Variants in PRKAR2A observed in about 807,000 individuals in gnomAD.
The protein encoded by PRKAR2A is cAMP-dependent protein kinase type II-alpha regulatory subunit.
In PRKAR2A, 29 loss-of-function variants were observed where a neutral mutation model predicts 51.9. That is an observed-to-expected ratio of 0.56 (90% confidence interval 0.42 to 0.76). The LOEUF is 0.76. PRKAR2A is among the 30% of genes least tolerant of loss of function. PRKAR2A has a pLI of 0.00. For missense variants in PRKAR2A, 445 were observed against 512.1 expected, an observed-to-expected ratio of 0.87 and a Z score of 1.26; for synonymous variants, 178 against 186.2, an observed-to-expected ratio of 0.96 and a Z score of 0.36.
At chr3:48,783,158 AT>A in intron 4 of PRKAR2A, 66 bp from the exon 5 acceptor site, 1 of 1,020,386 alleles carries the variant, frequency 9.8e-7, no homozygotes, top group Admixed American at 1.8e-5. Context: ...AGTGACCATA[AT>A]TATCTCAATT....
intron 9 of PRKAR2A, among the ~76,000 whole-genome samples, chr3:48,755,780 CTTTT>C (rs1160883747): frequency 4.5e-5 from 6 of 133,474 alleles, no homozygotes; most frequent in Admixed American, 7.6e-5. Flanking sequence ...CCCCCATTTC[CTTTT>C]TTTTTTTTTT....
chr3:48,807,765 TA>T lies in PRKAR2A; in HGVS notation c.263-82del. On this transcript the variant is annotated intron_variant, in intron 1 of 10. Coordinates refer to ENST00000265563, the MANE Select transcript of PRKAR2A (RefSeq NM_004157.4). ...ATCCTCCCTTTTTGCAAAAGTCTTT[TA>T]CAATAGACCTAAGCCCCTCAAAACC... The T allele has an allele frequency of 2.5e-6, 3 of 1,201,916 alleles. No individual in the cohort carries two copies. In the Admixed American group the frequency reaches 5.3e-5, roughly 21 times the overall value. The allele number at this position is 1,201,916 out of a possible 1,614,324, so 74.5% of individuals were successfully genotyped here.
intron 1 of PRKAR2A, among the ~76,000 whole-genome samples, chr3:48,809,620 A>C (rs1163198185): frequency 3.3e-5 from 5 of 149,764 alleles, no homozygotes; most frequent in Non-Finnish European, 6.0e-5. Context: ...AAAAAAAAAA[A>C]AAACTATATA....
Position 48,781,737 on chromosome 3 carries a change from T to A in PRKAR2A, c.542+1249A>T, listed in dbSNP as rs149737725. Among the ~76,000 whole-genome samples the A allele has an allele frequency of 1.3e-3, 197 of 151,980 alleles. 1 individual carries two copies. Among genetic ancestry groups the A allele is most frequent in the African/African-American group, 4.6e-3 (189 of 41,460 alleles). The stretch of plus-strand genomic sequence containing the variant: ...TACGTTGGCCAGGCTGGTCTCGAAC[T>A]CCTGACCTCGTGATCTGCCCGCCTC... On this transcript the variant is annotated intron_variant, in intron 5 of 10. Transcript: ENST00000265563.
chr3:48,762,262 T>A (rs909362149), intron 8 of PRKAR2A, among the ~76,000 whole-genome samples: 5 of 152,074 alleles, frequency 3.3e-5, no homozygotes, highest in Admixed American at 2.0e-4. Context: ...GTAATTTTTT[T>A]AAAAAAGGCT....
chr3:48,769,522 G>T (rs2081996009), intron 6 of PRKAR2A, among the ~76,000 whole-genome samples: 1 of 151,834 alleles, frequency 6.6e-6, no homozygotes, highest in South Asian at 2.1e-4. Context: ...TGTTGACCAG[G>T]TTGGAGTGCA....
intron 2 of PRKAR2A, among the ~76,000 whole-genome samples, chr3:48,795,506 A>G (rs2082477281): frequency 6.6e-6 from 1 of 152,150 alleles, no homozygotes; most frequent in African/African-American, 2.4e-5. Flanking sequence ...TTCCAACAAA[A>G]AACAACTGAT....
intron 8 of PRKAR2A, among the ~76,000 whole-genome samples, chr3:48,759,859 C>G (rs2081837565): frequency 6.6e-6 from 1 of 152,104 alleles, no homozygotes; most frequent in Admixed American, 6.6e-5. Flanking sequence ...ATATAAGATC[C>G]ACATTCCACC....
Position 48,841,166 on chromosome 3 carries a change from G to A in PRKAR2A, c.262+6169C>T, listed in dbSNP as rs142566327. On this transcript the variant is annotated intron_variant, in intron 1 of 10. Coordinates refer to ENST00000265563, the MANE Select transcript of PRKAR2A (RefSeq NM_004157.4). ...CCCCCAGTGCTGGGATTACAGGCAC[G>A]TGCCATGTTTTCACCTTTTGACTAC... 1.3e-3 allele frequency among the ~76,000 whole-genome samples: 199 copies of A among 151,782 alleles called. No homozygotes were observed. In the Middle Eastern group the frequency reaches 0.024, roughly 18 times the overall value.
intron 6 of PRKAR2A, among the ~76,000 whole-genome samples, chr3:48,769,153 C>CTT (rs1418956634): frequency 2.3e-4 from 11 of 46,978 alleles, no homozygotes; most frequent in African/African-American, 4.4e-4. Context: ...CAACAAATAT[C>CTT]TTTCTTTTTT....
chr3:48,829,606 ATGTGTG>A (rs56027700), intron 1 of PRKAR2A, among the ~76,000 whole-genome samples: 1 of 77,382 alleles, frequency 1.3e-5, no homozygotes, highest in African/African-American at 7.0e-5. Context: ...ACACACATAA[ATGTGTG>A]TGTGTATACG....
At chr3:48,790,827 G>A (rs925907224) in intron 3 of PRKAR2A, among the ~76,000 whole-genome samples, 200 bp from the exon 4 acceptor site, 73 of 152,208 alleles carry the variant, frequency 4.8e-4, no homozygotes, top group African/African-American at 1.7e-3. Context: ...CAACCCTGAA[G>A]CTACCTGCCG....
Position 48,772,958 on chromosome 3 carries a change from TC to T in PRKAR2A, c.692del (p.Gly231AspfsTer5). The T allele has an allele frequency of 6.2e-7, 1 of 1,610,916 alleles. No individual in the cohort carries two copies. Among genetic ancestry groups the T allele is most frequent in the Non-Finnish European group, 8.5e-7 (1 of 1,178,552 alleles). On this transcript the variant is annotated frameshift_variant, in exon 6 of 11. Transcript: ENST00000265563. LOFTEE classifies it high-confidence loss of function. ...IVATSEGSLW[G>X]LDRVTFRRII... Reference sequence around the variant, plus strand: ...GGGAACGATTTCTCTCACTCACCAGTCCCCAAAGGGAGCCTTCTGAGGTAGC... The same window carrying T: ...GGGAACGATTTCTCTCACTCACCAGTCCCAAAGGGAGCCTTCTGAGGTAGC...
At chr3:48,773,491 G>A (rs932764504) in intron 5 of PRKAR2A, among the ~76,000 whole-genome samples, 6 of 151,704 alleles carry the variant, frequency 4.0e-5, no homozygotes, top group South Asian at 2.1e-4. Context: ...CTACAGGCAC[G>A]CGCCACCAGG....
At chr3:48,802,754 C>T (rs762566626) in intron 2 of PRKAR2A, among the ~76,000 whole-genome samples, 3 of 152,052 alleles carry the variant, frequency 2.0e-5, no homozygotes, top group Admixed American at 6.6e-5. Context: ...CTACTTCACG[C>T]GGTTTTGTTT....
At position 48,751,523 on chromosome 3, in the gene PRKAR2A, T is replaced by G; in HGVS notation, c.*62A>C. 2 of 1,599,476 alleles carry G rather than the reference T, an allele frequency of 1.3e-6. No homozygotes were observed. The highest frequency in any genetic ancestry group is 1.7e-6 in the Non-Finnish European group (2 of 1,170,034). On this transcript the variant is annotated 3_prime_UTR_variant, in exon 11 of 11. Transcript: ENST00000265563. ...TTCTGTCATGTCTGTTTTCTGTATG[T>G]GTTCTGTGGCTGACCAGAAGGTTTT... is the stretch of plus-strand genomic sequence containing the variant.
rs554432128 is a variant in PRKAR2A, at chr3:48,828,975, A to G, written c.262+18360T>C. Among the ~76,000 whole-genome samples the G allele has an allele frequency of 3.3e-4, 50 of 151,984 alleles. 1 individual carries two copies. Among genetic ancestry groups the G allele is most frequent in the African/African-American group, 1.2e-3 (50 of 41,542 alleles). ...CAGCCTCCCGAGTAGCTAGGACTAC[A>G]AGCACATATCACCACACCCGGCTAA... On this transcript the variant is annotated intron_variant, in intron 1 of 10. Transcript: ENST00000265563.
At chr3:48,756,116 C>G (rs1679141873) in intron 9 of PRKAR2A, among the ~76,000 whole-genome samples, 1 of 152,158 alleles carries the variant, frequency 6.6e-6, no homozygotes, top group South Asian at 2.1e-4. Flanking sequence ...TTATCTTTTT[C>G]TTATTGATTT....
chr3:48,818,839 A>T (rs531426871), intron 1 of PRKAR2A, among the ~76,000 whole-genome samples: 1 of 152,322 alleles, frequency 6.6e-6, no homozygotes, highest in South Asian at 2.1e-4. Context: ...CCGAGGGCAG[A>T]CTTAATGACC....
Sources: gnomAD v4.1 joint callset for allele counts (sites outside exome capture counted in the v4.1 genomes callset) on GRCh38, gnomAD v4.1.1 for gene constraint, MANE v1.5 for transcripts, NCBI Gene and HGNC (gene_info 2026-07-23, HGNC 2026-07-21) for gene names.